The following NSG1 variants were observed in gnomAD, a reference collection of about 807,000 sequenced individuals.
NSG1 encodes the protein neuronal vesicle trafficking-associated protein 1.
In NSG1, 9 loss-of-function variants were observed where a neutral mutation model predicts 19.3. The observed-to-expected ratio is 0.47, with a 90% CI of 0.28 to 0.81. NSG1 has a LOEUF of 0.81. NSG1 is among the 40% of genes least tolerant of loss of function. The pLI, the probability that NSG1 is intolerant of heterozygous loss-of-function variation, is 0.11. For synonymous variants in NSG1, 104 were observed against 107.0 expected, an observed-to-expected ratio of 0.97 and a Z score of 0.17; for missense variants, 236 against 242.4, an observed-to-expected ratio of 0.97 and a Z score of 0.18.
chr4:4,413,391 A>G (rs1724330423), intron 4 of NSG1, among the ~76,000 whole-genome samples: 2 of 151,228 alleles, frequency 1.3e-5, no homozygotes, highest in Admixed American at 1.3e-4. Context: ...CCTTTCACTC[A>G]TGTTTTATTC....
chr4:4,401,659 G>A (rs1181706119), intron 3 of NSG1, among the ~76,000 whole-genome samples: 1 of 152,120 alleles, frequency 6.6e-6, no homozygotes, highest in Admixed American at 6.5e-5. Flanking sequence ...GGACCGTACA[G>A]CCCTGCAGGG....
intron 2 of NSG1, among the ~76,000 whole-genome samples, chr4:4,389,025 A>T (rs1722872162): frequency 6.6e-6 from 1 of 152,188 alleles, no homozygotes; most frequent in African/African-American, 2.4e-5. Context: ...AGACTCGTCC[A>T]GTTAGCGGGG....
intron 3 of NSG1, among the ~76,000 whole-genome samples, chr4:4,406,071 A>G (rs1352838462): frequency 6.6e-6 from 1 of 152,192 alleles, no homozygotes; most frequent in Non-Finnish European, 1.5e-5. Context: ...TCTGTTGCCC[A>G]GGCTGGAGTG....
intron 3 of NSG1, among the ~76,000 whole-genome samples, chr4:4,393,692 G>T (rs950473933): frequency 9.2e-5 from 14 of 152,282 alleles, no homozygotes; most frequent in African/African-American, 3.1e-4. Context: ...GGTGGCATCG[G>T]CCCCTTTACA....
intron 4 of NSG1, among the ~76,000 whole-genome samples, chr4:4,412,632 T>C (rs989194162): frequency 6.6e-6 from 1 of 152,080 alleles, no homozygotes; most frequent in African/African-American, 2.4e-5. Context: ...TTTGTGCGTG[T>C]GTTTGTCACA....
intron 4 of NSG1, among the ~76,000 whole-genome samples, chr4:4,412,943 A>T (rs1479804966): frequency 6.6e-6 from 1 of 152,150 alleles, no homozygotes; most frequent in Non-Finnish European, 1.5e-5. Flanking sequence ...GGACGCAGAG[A>T]GTCCTTACGC....
intron 3 of NSG1, among the ~76,000 whole-genome samples, chr4:4,403,122 C>T (rs1197545283): frequency 1.3e-5 from 2 of 152,164 alleles, no homozygotes; most frequent in Admixed American, 6.5e-5. Context: ...ACTCGCTGAA[C>T]GTGCAGGAGG....
At position 4,387,755 on chromosome 4, in the gene NSG1, TA is replaced by T; in HGVS notation, c.128del (p.Lys43ArgfsTer4). 6.3e-7 allele frequency: 1 copy of T among 1,583,210 alleles called. No individual in the cohort carries two copies. Among genetic ancestry groups the T allele is most frequent in the Non-Finnish European group, 8.7e-7 (1 of 1,152,698 alleles). On this transcript the variant is annotated frameshift_variant and splice_region_variant, in exon 2 of 5. Transcript: ENST00000621129. LOFTEE classifies it high-confidence loss of function. ...ATCAGCTGCAGTTCCCGCCCCCGGA[TA>T]AGGTAAGCCCCCCCACGCCCCTCCA... ...VNQLQFPPPD[K>X]VVVKTKTEYE...
chr4:4,403,174 C>G (rs1044186159), intron 3 of NSG1, among the ~76,000 whole-genome samples: 1 of 152,206 alleles, frequency 6.6e-6, no homozygotes, highest in Non-Finnish European at 1.5e-5. Flanking sequence ...GCCCTGCCCT[C>G]GGGGGCTCCA....
At position 4,401,624 on chromosome 4, in the gene NSG1, G is replaced by C. The variant is rs535123175; in HGVS notation, c.247-7949G>C. ...AGCAGTTCTCGCCCTGTGTTGGGAA[G>C]AGTTAACACCAGGGTGACGCTGTGG... On this transcript the variant is annotated intron_variant, in intron 3 of 4. Coordinates refer to ENST00000621129, the MANE Select transcript of NSG1 (RefSeq NM_014392.5). Among the ~76,000 whole-genome samples the C allele has an allele frequency of 1.4e-4, 22 of 152,276 alleles. 1 individual carries two copies. Among genetic ancestry groups the C allele is most frequent in the African/African-American group, 5.1e-4 (21 of 41,542 alleles).
chr4:4,391,574 G>C lies in NSG1; in HGVS notation c.229G>C (p.Val77Leu), dbSNP rs1293112575. The C allele has an allele frequency of 1.9e-6, 3 of 1,610,712 alleles. No individual in the cohort carries two copies. The highest frequency in any genetic ancestry group is 2.5e-6 in the Non-Finnish European group (3 of 1,178,392). Residue 77 changes from valine to leucine, a missense_variant, in exon 3 of 5, where the codon GTC (valine) becomes CTC (leucine). Physicochemically the swap from Val to Leu is conservative, Grantham distance 32 (BLOSUM62 1). Transcript: ENST00000621129. ...GTTCACCGTCAGCATCACGGAGGGT[G>C]TCACCGAGAGGTTTAAGGTGAGTGG... ...AEFTVSITEG[V>L]TERFKVSVLV...
chr4:4,392,494 C>T (rs913586660), intron 3 of NSG1, among the ~76,000 whole-genome samples: 20 of 152,130 alleles, frequency 1.3e-4, no homozygotes, highest in African/African-American at 4.3e-4. Flanking sequence ...CACCCCCACC[C>T]GCTGCAGTTT....
rs1724665077 is a variant in NSG1 at position 4,417,839 on chromosome 4, C to T, written c.*404C>T. On this transcript the variant is annotated 3_prime_UTR_variant, in exon 5 of 5. Transcript: ENST00000621129. The stretch of plus-strand genomic sequence containing the variant: ...CATAGCCATATCTAGAGTGATCTCT[C>T]GCTGTGCTAAGAGCAAGCCTACTTC... 3 of 287,690 alleles carry T rather than the reference C, an allele frequency of 1.0e-5. No individual in the cohort carries two copies. Among genetic ancestry groups the T allele is most frequent in the South Asian group, 3.4e-5 (1 of 29,544 alleles). The allele number at this position is 287,690 out of a possible 1,614,324, so 17.8% of individuals were successfully genotyped here. A position where few individuals can be genotyped will look rare whatever the true frequency, so the allele number is the denominator to read the frequency against.
intron 3 of NSG1, among the ~76,000 whole-genome samples, chr4:4,409,149 G>T (rs961995933): frequency 9.9e-5 from 15 of 152,212 alleles, no homozygotes; most frequent in Admixed American, 6.5e-5. Flanking sequence ...CTGAGCCCAG[G>T]GCTCAGGACA....
chr4:4,416,468 A>C (rs1224222493), intron 4 of NSG1, among the ~76,000 whole-genome samples: 1 of 152,090 alleles, frequency 6.6e-6, no homozygotes. Flanking sequence ...ATCCCTGTAC[A>C]CCTGCCTTAA....
chr4:4,408,605 G>A (rs1406768325), intron 3 of NSG1, among the ~76,000 whole-genome samples: 1 of 152,200 alleles, frequency 6.6e-6, no homozygotes. Flanking sequence ...GGGATTACAG[G>A]TGCGCACCAA....
At chr4:4,414,180 C>T (rs1027684342) in intron 4 of NSG1, among the ~76,000 whole-genome samples, 1 of 152,058 alleles carries the variant, frequency 6.6e-6, no homozygotes, top group East Asian at 1.9e-4. Flanking sequence ...CTTCCCTATC[C>T]TGCAAGCCCA....
At chr4:4,406,108 A>T (rs1723839582) in intron 3 of NSG1, among the ~76,000 whole-genome samples, 1 of 152,008 alleles carries the variant, frequency 6.6e-6, no homozygotes, top group South Asian at 2.1e-4. Context: ...GCTCACTGCA[A>T]CCTCCACCTC....
intron 3 of NSG1, among the ~76,000 whole-genome samples, chr4:4,394,195 A>G (rs1280794443): frequency 1.3e-5 from 2 of 151,954 alleles, no homozygotes; most frequent in Non-Finnish European, 2.9e-5. Context: ...GTGTGGGAGC[A>G]CTCACCCCAG....
Sources: gnomAD v4.1 joint callset for allele counts (sites outside exome capture counted in the v4.1 genomes callset) on GRCh38, gnomAD v4.1.1 for gene constraint, MANE v1.5 for transcripts, NCBI Gene and HGNC (gene_info 2026-07-23, HGNC 2026-07-21) for gene names.